KHDRBS2: variants seen among roughly 807,000 people sequenced by gnomAD.
The protein encoded by KHDRBS2 is KH RNA binding domain containing, signal transduction associated 2.
In KHDRBS2, 26 loss-of-function variants were observed where a neutral mutation model predicts 44.3. That is an observed-to-expected ratio of 0.59 (90% confidence interval 0.43 to 0.81). KHDRBS2 has a LOEUF of 0.81. KHDRBS2 is among the 40% of genes least tolerant of loss of function. The probability of loss-of-function intolerance (pLI) is 0.00; values close to 1 mark genes in which losing one functional copy is unlikely to be tolerated. For synonymous variants in KHDRBS2, 194 were observed against 151.1 expected, an observed-to-expected ratio of 1.28 and a Z score of -2.08; for missense variants, 476 against 433.1, an observed-to-expected ratio of 1.10 and a Z score of -0.88.
At chr6:62,239,594 A>C (rs1476519918) in intron 1 of KHDRBS2, among the ~76,000 whole-genome samples, 2 of 151,930 alleles carry the variant, frequency 1.3e-5, no homozygotes, top group Non-Finnish European at 2.9e-5. Flanking sequence ...TGAATGAATA[A>C]ATAAATAAAG....
chr6:62,254,867 A>G (rs1400806355), intron 1 of KHDRBS2, among the ~76,000 whole-genome samples: 5 of 152,100 alleles, frequency 3.3e-5, no homozygotes, highest in Admixed American at 3.3e-4. Flanking sequence ...TAAAAGGATA[A>G]GAATAATACA....
chr6:62,063,807 G>C (rs1242892937), intron 2 of KHDRBS2, among the ~76,000 whole-genome samples: 10 of 129,692 alleles, frequency 7.7e-5, no homozygotes, highest in Admixed American at 4.1e-4. Context: ...AGGAAATAAA[G>C]GGTATTCAAT....
chr6:61,817,971 CCCATAGATTAAAG>C (rs1269664845), intron 6 of KHDRBS2, among the ~76,000 whole-genome samples: 1 of 151,960 alleles, frequency 6.6e-6, no homozygotes, highest in Admixed American at 6.6e-5. Context: ...ATCGACAACT[CCCATAGATTAAAG>C]TCATTAAATA....
chr6:61,856,862 C>A (rs2127291768), intron 6 of KHDRBS2, among the ~76,000 whole-genome samples: 1 of 152,070 alleles, frequency 6.6e-6, no homozygotes, highest in East Asian at 1.9e-4. Flanking sequence ...CAGATATATG[C>A]AGTAGTTTTG....
rs573278612 is a variant in KHDRBS2 at position 61,852,356 on chromosome 6, G to A, written c.810+42279C>T. On this transcript the variant is annotated intron_variant, in intron 6 of 8. Coordinates refer to ENST00000281156, the MANE Select transcript of KHDRBS2 (RefSeq NM_152688.4). ...CAAGGCGGGCAGATTACAAGGTGAA[G>A]AGATCGAGACAATCCTGGCCAACAT... Among the ~76,000 whole-genome samples the A allele has an allele frequency of 3.9e-5, 6 of 152,186 alleles. No individual in the cohort carries two copies. In the East Asian group the frequency reaches 1.2e-3, roughly 29 times the overall value.
At chr6:62,071,986 T>C (rs1217648218) in intron 2 of KHDRBS2, among the ~76,000 whole-genome samples, 3 of 152,204 alleles carry the variant, frequency 2.0e-5, no homozygotes, top group Non-Finnish European at 4.4e-5. Flanking sequence ...TGGAATGTTC[T>C]TCCATTTGTT....
chr6:62,284,587 C>A (rs914270447), intron 1 of KHDRBS2, among the ~76,000 whole-genome samples: 8 of 151,948 alleles, frequency 5.3e-5, no homozygotes, highest in African/African-American at 1.9e-4. Context: ...AAGTAGTAGG[C>A]ATAATTGTAT....
chr6:61,706,372 G>A (rs1769551266), intron 7 of KHDRBS2, among the ~76,000 whole-genome samples: 2 of 151,756 alleles, frequency 1.3e-5, no homozygotes, highest in African/African-American at 2.4e-5. Flanking sequence ...GAACCTAAAG[G>A]TTTTGAGAAG....
At chr6:62,182,447 G>C (rs1822517895) in intron 1 of KHDRBS2, among the ~76,000 whole-genome samples, 2 of 152,028 alleles carry the variant, frequency 1.3e-5, no homozygotes, top group South Asian at 4.2e-4. Context: ...TGCTAAGAGG[G>C]TAGATCTTGT....
At chr6:61,784,726 C>T (rs1046037849) in intron 6 of KHDRBS2, among the ~76,000 whole-genome samples, 1 of 152,088 alleles carries the variant, frequency 6.6e-6, no homozygotes, top group African/African-American at 2.4e-5. Flanking sequence ...CATGGTTCAA[C>T]TTAATTAAAA....
intron 1 of KHDRBS2, among the ~76,000 whole-genome samples, chr6:62,275,498 T>C (rs1256050965): frequency 6.6e-6 from 1 of 152,214 alleles, no homozygotes; most frequent in African/African-American, 2.4e-5. Flanking sequence ...GGTAAATGTA[T>C]TCTATTATTT....
At chr6:61,704,130 T>C (rs930959644) in intron 7 of KHDRBS2, among the ~76,000 whole-genome samples, 1 of 152,022 alleles carries the variant, frequency 6.6e-6, no homozygotes. Flanking sequence ...CACCTTCACC[T>C]ATCCCAACAC....
At chr6:61,674,592 A>C in the KHDRBS2 span, among the ~76,000 whole-genome samples, 6 of 151,798 alleles carry the variant, frequency 4.0e-5, no homozygotes, top group Non-Finnish European at 7.4e-5. Context: ...AGATTCCACT[A>C]TCATTATTGT....
At chr6:61,752,608 A>G (rs548813625) in intron 6 of KHDRBS2, among the ~76,000 whole-genome samples, 10 of 142,838 alleles carry the variant, frequency 7.0e-5, no homozygotes, top group African/African-American at 2.6e-4. Context: ...TAATTATTTC[A>G]CTTGACATGT....
intron 1 of KHDRBS2, among the ~76,000 whole-genome samples, chr6:62,194,957 G>T (rs908228630): frequency 3.2e-4 from 48 of 152,112 alleles, no homozygotes; most frequent in African/African-American, 1.2e-3. Context: ...TATTTTGTCA[G>T]TTATATAAGA....
chr6:61,992,634 T>C (rs1470737936), intron 3 of KHDRBS2, among the ~76,000 whole-genome samples: 2 of 152,194 alleles, frequency 1.3e-5, no homozygotes, highest in Admixed American at 1.3e-4. Flanking sequence ...CGCACGCTTA[T>C]ATGTGTAACC....
At chr6:62,213,920 C>G (rs2049007) in intron 1 of KHDRBS2, among the ~76,000 whole-genome samples, 74,111 of 142,332 alleles carry the variant, frequency 0.52, 20,810 homozygotes, top group Non-Finnish European at 0.62. Flanking sequence ...AGTATCTTAG[C>G]CAACTTCTAA....
intron 7 of KHDRBS2, among the ~76,000 whole-genome samples, chr6:61,711,274 C>G (rs188892147): frequency 4.5e-4 from 68 of 151,732 alleles, no homozygotes; most frequent in African/African-American, 1.6e-3. Context: ...AAACTTAATT[C>G]TTGGTATTCT....
chr6:61,730,436 G>C (rs182987148), intron 7 of KHDRBS2, among the ~76,000 whole-genome samples: 39 of 152,154 alleles, frequency 2.6e-4, no homozygotes, highest in Admixed American at 1.5e-3. Context: ...CCCCATGAAA[G>C]ACTTTGTACC....
Sources: allele counts gnomAD v4.1 joint callset (sites outside exome capture counted in the v4.1 genomes callset), GRCh38; gene constraint gnomAD v4.1.1; transcripts MANE v1.5; gene names NCBI Gene and HGNC (gene_info 2026-07-23, HGNC 2026-07-21).